The following DCC variants were observed in gnomAD, a reference collection of about 807,000 sequenced individuals.
DCC encodes the protein DCC netrin 1 receptor, also known as netrin receptor DCC.
In DCC, 58 loss-of-function variants were observed where a neutral mutation model predicts 172.5. That is an observed-to-expected ratio of 0.34 (90% CI 0.27 to 0.42). DCC has a LOEUF of 0.42. DCC is among the 10% of genes least tolerant of loss of function. The pLI, the probability that DCC is intolerant of heterozygous loss-of-function variation, is 1.00. For missense variants in DCC, 1,740 were observed against 1,791.0 expected, an observed-to-expected ratio of 0.97 and a Z score of 0.51; for synonymous variants, 709 against 644.5, an observed-to-expected ratio of 1.10 and a Z score of -1.52.
chr18:53,459,093 C>G lies in DCC; in HGVS notation c.3393-139C>G, dbSNP rs146378474. 2.5e-3 allele frequency: 1,843 copies of G among 733,834 alleles called. 7 individuals carry two copies. Among genetic ancestry groups the G allele is most frequent in the Admixed American group, 3.5e-3 (167 of 47,560 alleles). The allele number at this position is 733,834 out of a possible 1,614,324, so 45.5% of individuals were successfully genotyped here. A position where few individuals can be genotyped will look rare whatever the true frequency, so the allele number is the denominator to read the frequency against. ...AGGAAAGGCAGCCAAGACAAGTCTG[C>G]CAATTCCTGGGTTTCACAGGGCTCA... On this transcript the variant is annotated intron_variant, in intron 23 of 28. Coordinates refer to ENST00000442544, the MANE Select transcript of DCC (RefSeq NM_005215.4).
intron 2 of DCC, among the ~76,000 whole-genome samples, chr18:52,895,149 C>A (rs894414260): frequency 6.6e-6 from 1 of 152,222 alleles, no homozygotes; most frequent in African/African-American, 2.4e-5. Flanking sequence ...AAAGAGTTTG[C>A]TTTTCTGCTT....
intron 12 of DCC, among the ~76,000 whole-genome samples, chr18:53,266,280 T>C (rs960980752): frequency 3.3e-5 from 5 of 152,340 alleles, no homozygotes; most frequent in Admixed American, 3.3e-4. Context: ...TCAATCCTCA[T>C]ACATTGTATG....
rs79741715 is a variant in DCC at position 53,261,456 on chromosome 18, G to T, written c.1912-44122G>T. ...CAGGGCTCAGTTTCAATAAGGAGCT[G>T]GGTCATACTTATGTCTTTCCTCTCC... On this transcript the variant is annotated intron_variant, in intron 12 of 28. Transcript: ENST00000442544. Among the ~76,000 whole-genome samples, 83 of 152,230 alleles carry T rather than the reference G, an allele frequency of 5.5e-4. 3 individuals carry two copies. In the East Asian group the frequency reaches 0.015, roughly 27 times the overall value.
At chr18:52,700,185 C>T (rs79868729) in intron 1 of DCC, among the ~76,000 whole-genome samples, 3,371 of 145,504 alleles carry the variant, frequency 0.023, 63 homozygotes, top group East Asian at 0.091. Context: ...CACATGCACA[C>T]GCACACACAC....
chr18:52,811,094 C>T (rs1017724357), intron 2 of DCC, among the ~76,000 whole-genome samples: 1 of 152,122 alleles, frequency 6.6e-6, no homozygotes, highest in African/African-American at 2.4e-5. Flanking sequence ...AAGCTATAGT[C>T]TGCATTTCAA....
chr18:53,133,433 A>T (rs8083169), intron 7 of DCC, among the ~76,000 whole-genome samples: 1 of 152,180 alleles, frequency 6.6e-6, no homozygotes, highest in African/African-American at 2.4e-5. Context: ...AGATGAGTCC[A>T]CAGGGTTGGA....
At chr18:52,584,412 G>T (rs922228037) in intron 1 of DCC, among the ~76,000 whole-genome samples, 9 of 152,184 alleles carry the variant, frequency 5.9e-5, no homozygotes, top group Non-Finnish European at 1.3e-4. Context: ...AAGAGAAAGA[G>T]AGAGAGAGAG....
chr18:53,218,722 G>T (rs1167808743), intron 12 of DCC, among the ~76,000 whole-genome samples: 3 of 151,918 alleles, frequency 2.0e-5, no homozygotes, highest in Admixed American at 6.6e-5. Context: ...AAAAGATAAT[G>T]GTTTATGAAA....
At chr18:52,777,717 G>A (rs1448583992) in intron 2 of DCC, among the ~76,000 whole-genome samples, 1 of 151,924 alleles carries the variant, frequency 6.6e-6, no homozygotes, top group East Asian at 1.9e-4. Flanking sequence ...CTGACCTAAA[G>A]AGTATCTAGT....
At chr18:53,261,893 C>G (rs1013725298) in intron 12 of DCC, among the ~76,000 whole-genome samples, 18 of 152,108 alleles carry the variant, frequency 1.2e-4, no homozygotes, top group African/African-American at 3.6e-4. Flanking sequence ...AAAGGTAGAT[C>G]CCAGAGCTAT....
chr18:52,433,134 A>C (rs764712884), intron 1 of DCC, among the ~76,000 whole-genome samples: 2 of 152,194 alleles, frequency 1.3e-5, no homozygotes, highest in Non-Finnish European at 2.9e-5. Flanking sequence ...TTATTTAACC[A>C]GGTATTTGAG....
chr18:53,228,706 T>C (rs1390342958), intron 12 of DCC, among the ~76,000 whole-genome samples: 1 of 152,076 alleles, frequency 6.6e-6, no homozygotes, highest in East Asian at 1.9e-4. Context: ...GTTTATGAGA[T>C]AAGAGGTCTA....
At chr18:52,955,186 T>C (rs1035866848) in intron 5 of DCC, among the ~76,000 whole-genome samples, 12 of 152,148 alleles carry the variant, frequency 7.9e-5, no homozygotes, top group African/African-American at 2.7e-4. Flanking sequence ...TTTCATTGTC[T>C]AAAGAATCCT....
chr18:52,341,717 G>T (rs1320816882), intron 1 of DCC, among the ~76,000 whole-genome samples: 1 of 152,196 alleles, frequency 6.6e-6, no homozygotes, highest in Non-Finnish European at 1.5e-5. Flanking sequence ...TGTAATCTCC[G>T]AATACGGAGC....
chr18:52,400,591 T>G (rs1292109998), intron 1 of DCC, among the ~76,000 whole-genome samples: 3 of 152,092 alleles, frequency 2.0e-5, no homozygotes, highest in African/African-American at 7.2e-5. Flanking sequence ...ATCTCATTAC[T>G]GGGTATAAAC....
chr18:53,214,942 A>G (rs1227825100), intron 11 of DCC, among the ~76,000 whole-genome samples: 6 of 152,236 alleles, frequency 3.9e-5, no homozygotes, highest in African/African-American at 1.4e-4. Flanking sequence ...TAGAAACTCT[A>G]CAAAGAAAAA....
At chr18:53,057,079 TA>T (rs11316527) in intron 5 of DCC, among the ~76,000 whole-genome samples, 32,105 of 89,780 alleles carry the variant, frequency 0.36, 4,290 homozygotes, top group African/African-American at 0.46. Context: ...CTTCTAAAAG[TA>T]AAAAAAAAAA....
intron 1 of DCC, among the ~76,000 whole-genome samples, chr18:52,731,214 G>A (rs2036635709): frequency 6.6e-6 from 1 of 152,184 alleles, no homozygotes; most frequent in Admixed American, 6.5e-5. Context: ...TGTAATTAAT[G>A]TTTCATTATG....
chr18:52,717,123 A>C (rs1176365371), intron 1 of DCC, among the ~76,000 whole-genome samples: 1 of 152,196 alleles, frequency 6.6e-6, no homozygotes, highest in African/African-American at 2.4e-5. Flanking sequence ...ACAGAAGTCC[A>C]CTGAGCTTCT....
Sources: allele counts gnomAD v4.1 joint callset (sites outside exome capture counted in the v4.1 genomes callset), GRCh38; gene constraint gnomAD v4.1.1; transcripts MANE v1.5; gene names NCBI Gene and HGNC (gene_info 2026-07-23, HGNC 2026-07-21).